The following SELENOF variants were observed in gnomAD, a reference collection of about 807,000 sequenced individuals.
SELENOF encodes the protein selenoprotein F, also known as 15 kDa selenoprotein.
In SELENOF, 16 loss-of-function variants were observed where a neutral mutation model predicts 20.5. That is an observed-to-expected ratio of 0.78 (90% CI 0.53 to 1.19). The LOEUF (loss-of-function observed/expected upper bound fraction) is 1.19, where lower values mean the gene tolerates loss of function less well. SELENOF is among the 50% of genes most tolerant of loss of function. SELENOF has a pLI of 0.00. For missense variants in SELENOF, 215 were observed against 194.2 expected (o/e 1.11, Z -0.64); for synonymous variants, 78 against 74.5 (o/e 1.05, Z -0.24).
intron 4 of SELENOF, among the ~76,000 whole-genome samples, chr1:86,865,403 T>C (rs908693240): frequency 6.6e-6 from 1 of 152,112 alleles, no homozygotes; most frequent in Admixed American, 6.5e-5. Flanking sequence ...AGGTTTAATA[T>C]CCAGAATAGA....
At chr1:86,914,199 G>A, upstream of SELENOF, 1 of 1,180,000 alleles carries the variant, frequency 8.5e-7, no homozygotes, top group Non-Finnish European at 1.3e-6. Flanking sequence ...GCTAACGGCC[G>A]TTGCCCTTAC....
At chr1:86,868,866 TTAAAAA>T (rs1658680451) in intron 3 of SELENOF, among the ~76,000 whole-genome samples, 1 of 151,698 alleles carries the variant, frequency 6.6e-6, no homozygotes, top group African/African-American at 2.4e-5. Flanking sequence ...CATAAGCAAA[TTAAAAA>T]TAAAAATGAT....
chr1:86,865,440 A>C (rs920133649), intron 4 of SELENOF, among the ~76,000 whole-genome samples: 8 of 152,200 alleles, frequency 5.3e-5, no homozygotes, highest in South Asian at 2.1e-4. Context: ...TAACAACAAC[A>C]ACCAAAAATC....
intron 2 of SELENOF, among the ~76,000 whole-genome samples, chr1:86,883,157 T>A (rs1470806789): frequency 6.6e-6 from 1 of 151,718 alleles, no homozygotes; most frequent in Non-Finnish European, 1.5e-5. Context: ...GGACACATAT[T>A]ACAATATAAA....
At chr1:86,881,702 C>G (rs944701924) in intron 2 of SELENOF, among the ~76,000 whole-genome samples, 1 of 152,120 alleles carries the variant, frequency 6.6e-6, no homozygotes, top group Non-Finnish European at 1.5e-5. Context: ...TACAGAAAGG[C>G]ATAAAGTAGT....
At position 86,903,448 on chromosome 1, in the gene SELENOF, C is replaced by A. The variant is rs11555169; in HGVS notation, c.85G>T (p.Val29Leu). ...RLLLATVLQA[V>L]SAFGAEFSSE... The stretch of plus-strand genomic sequence containing the variant: ...GAAAACTCTGCCCCAAAAGCAGACA[C>A]CTGAAAATAAAAAATGGGAAATAAA... The change falls in exon 2 of 5, where the codon GTG (valine) becomes TTG (leucine). Residue 29 changes from valine (V) to leucine (L), a missense_variant and splice_region_variant. By Grantham distance (32) the Val-to-Leu change is conservative. Transcript: ENST00000331835. 0.014 allele frequency: 22,230 copies of A among 1,588,316 alleles called. 210 individuals are homozygous for A. The highest frequency in any genetic ancestry group is 0.016 in the Non-Finnish European group (18,596 of 1,169,666).
chr1:86,888,528 T>C (rs1222037390), intron 2 of SELENOF, among the ~76,000 whole-genome samples: 1 of 152,160 alleles, frequency 6.6e-6, no homozygotes, highest in African/African-American at 2.4e-5. Context: ...CCTGCCTTGT[T>C]CTCCCGAAGT....
At chr1:86,900,677 G>A (rs1411750434) in intron 2 of SELENOF, among the ~76,000 whole-genome samples, 3 of 151,996 alleles carry the variant, frequency 2.0e-5, no homozygotes, top group East Asian at 3.9e-4. Flanking sequence ...CGGAGACAGA[G>A]ACGGAGACGG....
At chr1:86,869,325 AT>A (rs1658693425) in intron 3 of SELENOF, among the ~76,000 whole-genome samples, 2 of 152,356 alleles carry the variant, frequency 1.3e-5, no homozygotes, top group Non-Finnish European at 2.9e-5. Flanking sequence ...GTAAAACGAT[AT>A]TGGTTAAACA....
At chr1:86,903,254 T>C (rs1194637865) in intron 2 of SELENOF, 27 bp downstream of exon 2, 1 of 1,582,904 alleles carries the variant, frequency 6.3e-7, no homozygotes, top group Non-Finnish European at 8.6e-7. Flanking sequence ...AACCATCCAA[T>C]GGAAGGAATA....
intron 3 of SELENOF, among the ~76,000 whole-genome samples, chr1:86,875,332 A>C (rs1658898917): frequency 6.6e-6 from 1 of 152,186 alleles, no homozygotes. Context: ...ATTTAGAAGC[A>C]CTTGAAAACA....
intron 2 of SELENOF, among the ~76,000 whole-genome samples, chr1:86,899,957 G>A (rs900192069): frequency 1.3e-5 from 2 of 151,592 alleles, no homozygotes; most frequent in South Asian, 2.1e-4. Context: ...ACGGGGCGGC[G>A]GGGCAAAGGT....
At chr1:86,914,133 C>A, upstream of SELENOF, 1 of 1,610,918 alleles carries the variant, frequency 6.2e-7, no homozygotes, top group Non-Finnish European at 8.5e-7. Context: ...TTCTGGCTGC[C>A]TAGAAGGACC....
intron 1 of SELENOF, among the ~76,000 whole-genome samples, chr1:86,903,933 C>T (rs1201539298): frequency 1.3e-5 from 2 of 152,154 alleles, no homozygotes; most frequent in African/African-American, 4.8e-5. Context: ...TTTCTCCCAC[C>T]TCCCCTACAA....
At chr1:86,911,203 G>A (rs955543942) in intron 1 of SELENOF, among the ~76,000 whole-genome samples, 7 of 152,210 alleles carry the variant, frequency 4.6e-5, no homozygotes, top group Non-Finnish European at 7.3e-5. Flanking sequence ...GAGGGATAGC[G>A]AAGCTTTGTT....
intron 3 of SELENOF, among the ~76,000 whole-genome samples, chr1:86,878,055 A>C (rs1658970410): frequency 6.6e-6 from 1 of 152,226 alleles, no homozygotes; most frequent in Non-Finnish European, 1.5e-5. Flanking sequence ...AGAATACTAG[A>C]CAAAATCTAC....
intron 4 of SELENOF, 81 bp downstream of exon 4, chr1:86,867,972 C>A: frequency 1.8e-6 from 1 of 556,032 alleles, no homozygotes; most frequent in Admixed American, 3.2e-5. Flanking sequence ...TGGGGGAAAC[C>A]ATTTATTCAA....
intron 2 of SELENOF, among the ~76,000 whole-genome samples, chr1:86,891,963 C>T (rs1482805587): frequency 6.6e-6 from 1 of 151,162 alleles, no homozygotes; most frequent in Non-Finnish European, 1.5e-5. Flanking sequence ...TGAAGTCTCG[C>T]TCTGTTGCCC....
intron 3 of SELENOF, among the ~76,000 whole-genome samples, chr1:86,879,386 T>G (rs541708891): frequency 4.7e-4 from 71 of 152,314 alleles, no homozygotes; most frequent in Admixed American, 1.2e-3. Context: ...GAATGTGTTA[T>G]TCTAACAAAG....
Sources: gnomAD v4.1 joint callset for allele counts (sites outside exome capture counted in the v4.1 genomes callset) on GRCh38, gnomAD v4.1.1 for gene constraint, MANE v1.5 for transcripts, NCBI Gene and HGNC (gene_info 2026-07-23, HGNC 2026-07-21) for gene names.